Variants in SGMS1 observed in about 807,000 individuals in gnomAD.
SGMS1 encodes the protein sphingomyelin synthase 1.
In SGMS1, 13 loss-of-function variants were observed where a neutral mutation model predicts 46.2. The ratio of observed to expected loss-of-function variants is 0.28; its 90% CI spans 0.18 to 0.45. The LOEUF (loss-of-function observed/expected upper bound fraction) is 0.45, where lower values mean the gene tolerates loss of function less well. SGMS1 is among the 20% of genes least tolerant of loss of function. The pLI, the probability that SGMS1 is intolerant of heterozygous loss-of-function variation, is 1.00. For synonymous variants in SGMS1, 203 were observed against 187.8 expected (o/e 1.08, Z -0.66); for missense variants, 324 against 519.9 (o/e 0.62, Z 3.66).
Position 50,394,125 on chromosome 10 carries a change from T to C in SGMS1, c.-232+39351A>G, listed in dbSNP as rs1186367402. On this transcript the variant is annotated intron_variant, in intron 6 of 10. Transcript: ENST00000361781. ...TCTGCTTTGAGTTTTAAGAGAAGTT[T>C]TCTTTAAAACAACTAGTCTGTTCCT... 2.6e-5 allele frequency among the ~76,000 whole-genome samples: 4 copies of C among 152,352 alleles called. No individual in the cohort carries two copies. In the East Asian group the frequency reaches 7.7e-4, roughly 29 times the overall value.
chr10:50,415,712 C>T (rs1403533233), intron 6 of SGMS1, among the ~76,000 whole-genome samples: 2 of 152,188 alleles, frequency 1.3e-5, no homozygotes, highest in African/African-American at 4.8e-5. Context: ...ATGCTCTGAT[C>T]AGACACGCTG....
At chr10:50,541,326 A>T (rs1588870793) in intron 2 of SGMS1, among the ~76,000 whole-genome samples, 1 of 152,200 alleles carries the variant, frequency 6.6e-6, no homozygotes, top group Non-Finnish European at 1.5e-5. Flanking sequence ...TACCTCTCAA[A>T]GCAACTTAAT....
At chr10:50,498,515 G>T (rs546868024) in intron 3 of SGMS1, among the ~76,000 whole-genome samples, 21 of 152,160 alleles carry the variant, frequency 1.4e-4, no homozygotes, top group Non-Finnish European at 2.8e-4. Context: ...TCTACTTTCT[G>T]TCTTTATGAA....
In SGMS1 at chr10:50,344,392, C is replaced by A. The variant is rs1387627230; in HGVS notation, c.-231-47G>T. The A allele has an allele frequency of 2.3e-5, 9 of 393,048 alleles. No homozygotes were observed. The South Asian group carries it at 5.1e-4, about 22-fold the overall frequency. The allele number at this position is 393,048 out of a possible 1,614,324, so 24.3% of individuals were successfully genotyped here. A position where few individuals can be genotyped will look rare whatever the true frequency, so the allele number is the denominator to read the frequency against. Reference sequence around the variant, plus strand: ...TCAAGATGCTGTACTTCCAAATTACCCCTCTCAAAACGCAAAGCCTTATAT... The same window carrying A: ...TCAAGATGCTGTACTTCCAAATTACACCTCTCAAAACGCAAAGCCTTATAT... On this transcript the variant is annotated intron_variant, in intron 6 of 10. Transcript: ENST00000361781.
intron 6 of SGMS1, among the ~76,000 whole-genome samples, chr10:50,426,007 A>G (rs1345798935): frequency 6.6e-6 from 1 of 152,230 alleles, no homozygotes; most frequent in Non-Finnish European, 1.5e-5. Context: ...AAACAATCTA[A>G]ACATACATCA....
intron 1 of SGMS1, among the ~76,000 whole-genome samples, chr10:50,607,615 C>T (rs1263529578): frequency 6.6e-6 from 1 of 152,186 alleles, no homozygotes; most frequent in Non-Finnish European, 1.5e-5. Flanking sequence ...ATTTTTCTCT[C>T]AACTGGTTGT....
At chr10:50,568,076 T>C (rs1183233336) in intron 2 of SGMS1, among the ~76,000 whole-genome samples, 2 of 152,238 alleles carry the variant, frequency 1.3e-5, no homozygotes, top group Non-Finnish European at 2.9e-5. Context: ...CACAATTTTC[T>C]AAACACTTTT....
At chr10:50,373,451 A>C (rs1158344720) in intron 6 of SGMS1, among the ~76,000 whole-genome samples, 2 of 152,244 alleles carry the variant, frequency 1.3e-5, no homozygotes, top group Non-Finnish European at 2.9e-5. Flanking sequence ...ATGAAAAGTC[A>C]GTTTCATATA....
chr10:50,480,057 C>T (rs1837462272), intron 3 of SGMS1, among the ~76,000 whole-genome samples: 1 of 152,034 alleles, frequency 6.6e-6, no homozygotes, highest in African/African-American at 2.4e-5. Flanking sequence ...GTTCTTCTTT[C>T]TCATCAAACA....
intron 5 of SGMS1, among the ~76,000 whole-genome samples, chr10:50,434,126 T>A (rs1849442780): frequency 6.6e-6 from 1 of 152,240 alleles, no homozygotes; most frequent in African/African-American, 2.4e-5. Context: ...GGAGGATTCA[T>A]ATAATTCACA....
intron 1 of SGMS1, among the ~76,000 whole-genome samples, chr10:50,612,395 C>T (rs1158138506): frequency 6.6e-6 from 1 of 152,150 alleles, no homozygotes; most frequent in Non-Finnish European, 1.5e-5. Flanking sequence ...ATAAAGTGGT[C>T]TGGACATGAA....
intron 3 of SGMS1, among the ~76,000 whole-genome samples, chr10:50,500,145 G>A (rs532464927): frequency 1.3e-5 from 2 of 152,288 alleles, no homozygotes; most frequent in South Asian, 4.1e-4. Context: ...TTCAGCCTGG[G>A]TGACAGAGCG....
chr10:50,527,479 G>A (rs1050674389), intron 2 of SGMS1, among the ~76,000 whole-genome samples: 2 of 152,066 alleles, frequency 1.3e-5, no homozygotes, highest in South Asian at 2.1e-4. Context: ...ACTTGCTCTC[G>A]GTTGCACAGC....
At chr10:50,360,761 T>C (rs1848233380) in intron 6 of SGMS1, among the ~76,000 whole-genome samples, 1 of 152,208 alleles carries the variant, frequency 6.6e-6, no homozygotes, top group Non-Finnish European at 1.5e-5. Context: ...ACACAGGCTA[T>C]TTCTATCACA....
intron 1 of SGMS1, among the ~76,000 whole-genome samples, chr10:50,594,678 C>G (rs1173839404): frequency 6.6e-6 from 1 of 152,068 alleles, no homozygotes; most frequent in African/African-American, 2.4e-5. Context: ...ACAATTTAAT[C>G]TGCATTTCTA....
At chr10:50,461,622 G>T (rs145402554) in intron 4 of SGMS1, among the ~76,000 whole-genome samples, 36 of 152,178 alleles carry the variant, frequency 2.4e-4, no homozygotes, top group African/African-American at 8.4e-4. Flanking sequence ...AACTAAGCCT[G>T]TTCTATCCCT....
chr10:50,392,731 T>C (rs574024520), intron 6 of SGMS1, among the ~76,000 whole-genome samples: 1 of 151,394 alleles, frequency 6.6e-6, no homozygotes, highest in South Asian at 2.1e-4. Context: ...AGTATGGGAG[T>C]GAAATGGTAT....
At chr10:50,371,153 A>T (rs1186360893) in intron 6 of SGMS1, among the ~76,000 whole-genome samples, 2 of 152,222 alleles carry the variant, frequency 1.3e-5, no homozygotes, top group Non-Finnish European at 2.9e-5. Flanking sequence ...GTGTTGCACT[A>T]GGATGTTAGG....
chr10:50,513,064 C>T (rs116591175), intron 3 of SGMS1, among the ~76,000 whole-genome samples: 43 of 152,294 alleles, frequency 2.8e-4, no homozygotes, highest in African/African-American at 9.9e-4. Flanking sequence ...ACAAATGCTA[C>T]CATTACAATG....
Sources: allele counts gnomAD v4.1 joint callset (sites outside exome capture counted in the v4.1 genomes callset), GRCh38; gene constraint gnomAD v4.1.1; transcripts MANE v1.5; gene names NCBI Gene and HGNC (gene_info 2026-07-23, HGNC 2026-07-21).